The following DAW1 variants were observed in gnomAD, a reference collection of about 807,000 sequenced individuals.
DAW1 encodes the protein dynein assembly factor with WD repeats 1, also known as dynein assembly factor with WD repeat domains 1.
In DAW1, 47 loss-of-function variants were observed where a neutral mutation model predicts 56.5. The ratio of observed to expected loss-of-function variants is 0.83; its 90% CI spans 0.66 to 1.06. The LOEUF is 1.06. DAW1 is among the 50% of genes least tolerant of loss of function. The pLI is 0.00. For missense variants in DAW1, 505 were observed against 499.3 expected (o/e 1.01, Z -0.11); for synonymous variants, 190 against 179.0 (o/e 1.06, Z -0.49).
chr2:227,907,452 T>C (rs13393365), intron 10 of DAW1, among the ~76,000 whole-genome samples, 200 bp downstream of exon 10: 73,946 of 151,962 alleles, frequency 0.49, 18,453 homozygotes, highest in Middle Eastern at 0.63. Flanking sequence ...TTATGCAATG[T>C]CTGTGTCACC....
chr2:227,923,385 G>C (rs1316953493), intron 12 of DAW1, among the ~76,000 whole-genome samples: 1 of 152,154 alleles, frequency 6.6e-6, no homozygotes, highest in Non-Finnish European at 1.5e-5. Flanking sequence ...CATTTTGTGG[G>C]ATATGGTTTT....
chr2:227,917,618 C>T (rs534652706), intron 10 of DAW1, among the ~76,000 whole-genome samples: 1 of 152,144 alleles, frequency 6.6e-6, no homozygotes, highest in South Asian at 2.1e-4. Flanking sequence ...TGTTGCAGGC[C>T]ATATTATTTC....
chr2:227,909,270 A>ATCTGTCTGTCTG (rs367916730), intron 10 of DAW1, among the ~76,000 whole-genome samples: 14 of 144,462 alleles, frequency 9.7e-5, no homozygotes, highest in South Asian at 4.4e-4. Context: ...CTATCTATCT[A>ATCTGTCTGTCTG]TCTGTCTGTC....
intron 2 of DAW1, among the ~76,000 whole-genome samples, chr2:227,885,982 T>C (rs1251958068): frequency 2.2e-5 from 3 of 136,476 alleles, no homozygotes; most frequent in Non-Finnish European, 5.1e-5. Context: ...TTCCTTTTTT[T>C]TTTTTTTTTG....
intron 11 of DAW1, 54 bp from the exon 12 acceptor site, chr2:227,921,329 TTTTTGCTGATAAGAAA>T: frequency 1.7e-6 from 1 of 602,348 alleles, no homozygotes; most frequent in Non-Finnish European, 2.3e-6. Flanking sequence ...TTTTTTTTTT[TTTTTGCTGATAAGAAA>T]TGTTTTGGGA....
intron 2 of DAW1, chr2:227,887,716 G>A (rs1011947942): frequency 1.3e-5 from 2 of 152,200 alleles, no homozygotes; most frequent in Non-Finnish European, 2.9e-5. Context: ...TCACTCAATC[G>A]TGCTGTGCTT....
At chr2:227,915,653 T>C (rs921498616) in intron 10 of DAW1, among the ~76,000 whole-genome samples, 1 of 152,152 alleles carries the variant, frequency 6.6e-6, no homozygotes, top group African/African-American at 2.4e-5. Context: ...TAGTAAATCC[T>C]ATGGTACTAG....
At chr2:227,905,967 G>C (rs1262563346) in intron 8 of DAW1, among the ~76,000 whole-genome samples, 1 of 152,168 alleles carries the variant, frequency 6.6e-6, no homozygotes, top group East Asian at 1.9e-4. Context: ...TGTTAGCCAG[G>C]ATGGTCTCTA....
intron 1 of DAW1, among the ~76,000 whole-genome samples, chr2:227,872,617 C>T (rs1046029387): frequency 2.6e-5 from 4 of 152,176 alleles, no homozygotes. Context: ...GGCATCATCA[C>T]CCAGCCTGTT....
At position 227,907,124 on chromosome 2, in the gene DAW1, TC is replaced by T; in HGVS notation, c.859-13del. 3 of 1,582,272 alleles carry T rather than the reference TC, an allele frequency of 1.9e-6. No homozygotes were observed. The highest frequency in any genetic ancestry group is 1.9e-5 in the Admixed American group (1 of 53,566). The stretch of plus-strand genomic sequence containing the variant: ...TAGTCTTTTTTTTTTTGTTTTTTGT[TC>T]TTTTAATTGTAGCTGTGGGATGCTA... On this transcript the variant is annotated splice_polypyrimidine_tract_variant and intron_variant, in intron 9 of 12. Transcript: ENST00000309931.
chr2:227,919,410 G>A (rs1692053863), intron 11 of DAW1, among the ~76,000 whole-genome samples: 1 of 152,054 alleles, frequency 6.6e-6, no homozygotes, highest in Non-Finnish European at 1.5e-5. Flanking sequence ...CGCCTCCACT[G>A]TCAGCAAAAG....
At position 227,891,237 on chromosome 2, in the gene DAW1, T is replaced by C; in HGVS notation, c.259-18T>C. 1 of 1,607,196 alleles carries C rather than the reference T, an allele frequency of 6.2e-7. No homozygotes were observed. The highest frequency in any genetic ancestry group is 8.5e-7 in the Non-Finnish European group (1 of 1,177,174). On this transcript the variant is annotated intron_variant, in intron 3 of 12. Coordinates refer to ENST00000309931, the MANE Select transcript of DAW1 (RefSeq NM_178821.3). ...AATTTGGTTTGAGTCTAAAAAATGG[T>C]GTTTTCTTTCACTGAAGGTTCTCAA...
intron 2 of DAW1, chr2:227,889,615 C>T (rs112716519): frequency 3.0e-6 from 1 of 332,046 alleles, no homozygotes; most frequent in Non-Finnish European, 5.5e-6. Flanking sequence ...ATGAAACAAG[C>T]CTTAGCTTTG....
Position 227,909,756 on chromosome 2 carries a change from A to G in DAW1, c.973+2504A>G, listed in dbSNP as rs111276695. ...CAGAGAAGATGGATGTCCCAGCTCC[A>G]GAAGAGAGAATTTCATCCTTCCTCC... is the stretch of plus-strand genomic sequence containing the variant. On this transcript the variant is annotated intron_variant, in intron 10 of 12. Coordinates refer to ENST00000309931, the MANE Select transcript of DAW1 (RefSeq NM_178821.3). Among the ~76,000 whole-genome samples the G allele has an allele frequency of 4.1e-3, 627 of 152,294 alleles. 6 individuals are homozygous for G. The highest frequency in any genetic ancestry group is 0.015 in the African/African-American group (609 of 41,564).
At chr2:227,897,192 A>G (rs1691431687) in intron 5 of DAW1, among the ~76,000 whole-genome samples, 1 of 151,660 alleles carries the variant, frequency 6.6e-6, no homozygotes, top group African/African-American at 2.4e-5. Flanking sequence ...TGGAAACCAG[A>G]GGAGAAAGCT....
At chr2:227,890,225 T>C (rs1006984030) in intron 3 of DAW1, among the ~76,000 whole-genome samples, 4 of 152,222 alleles carry the variant, frequency 2.6e-5, no homozygotes, top group African/African-American at 9.6e-5. Context: ...ATTTCAGCTC[T>C]TCATATAATG....
chr2:227,916,684 A>G (rs1691959413), intron 10 of DAW1, among the ~76,000 whole-genome samples: 1 of 152,176 alleles, frequency 6.6e-6, no homozygotes, highest in South Asian at 2.1e-4. Context: ...TCTGTAGTCC[A>G]CATATGACCT....
chr2:227,909,270 A>ATCTG (rs367916730), intron 10 of DAW1, among the ~76,000 whole-genome samples: 6,150 of 144,316 alleles, frequency 0.043, 176 homozygotes, highest in African/African-American at 0.061. Flanking sequence ...CTATCTATCT[A>ATCTG]TCTGTCTGTC....
chr2:227,884,322 C>G (rs865835684), intron 1 of DAW1, among the ~76,000 whole-genome samples: 12 of 152,246 alleles, frequency 7.9e-5, no homozygotes, highest in Middle Eastern at 3.4e-3. Context: ...ATTCCAACCT[C>G]TGATTCATCT....
Sources: allele counts gnomAD v4.1 joint callset (sites outside exome capture counted in the v4.1 genomes callset), GRCh38; gene constraint gnomAD v4.1.1; transcripts MANE v1.5; gene names NCBI Gene and HGNC (gene_info 2026-07-23, HGNC 2026-07-21).